The following QRFPR variants were observed in gnomAD, a reference collection of about 807,000 sequenced individuals.
The protein encoded by QRFPR is pyroglutamylated RF-amide peptide receptor.
QRFPR carries 37 observed loss-of-function variants against 31.3 expected under a neutral mutation model. The observed-to-expected ratio is 1.18, with a 90% CI of 0.91 to 1.56. The LOEUF is 1.56. QRFPR is among the 40% of genes most tolerant of loss of function. The pLI, the probability that QRFPR is intolerant of heterozygous loss-of-function variation, is 0.00. For missense variants in QRFPR, 542 were observed against 532.5 expected, an observed-to-expected ratio of 1.02 and a Z score of -0.18; for synonymous variants, 197 against 192.0, an observed-to-expected ratio of 1.03 and a Z score of -0.22.
intron 1 of QRFPR, among the ~76,000 whole-genome samples, chr4:121,358,735 TA>T (rs1725917936): frequency 6.6e-6 from 1 of 152,210 alleles, no homozygotes; most frequent in Non-Finnish European, 1.5e-5. Context: ...CTTTTGTCCT[TA>T]TTTATGACAT....
rs1213344194 is a variant in QRFPR, at chr4:121,329,525, T to G, written c.1085A>C (p.His362Pro). The G allele has an allele frequency of 1.2e-6, 2 of 1,614,018 alleles. No individual in the cohort carries two copies. The highest frequency in any genetic ancestry group is 2.2e-5 in the South Asian group (2 of 91,056). The change falls in exon 6 of 6, where the codon CAT becomes CCT. Residue 362 changes from histidine (H) to proline (P), a missense_variant. By Grantham distance (77) the His-to-Pro change is moderately conservative. Transcript: ENST00000394427. ...CATCATTGTAATTCCTGAATTTCCA[T>G]GCCTTTGTGCTGGAGAGAAGGTTTT... Reference protein sequence around the residue: ...VNKTFSPAQRHGNSGITMMRK... With the variant: ...VNKTFSPAQRPGNSGITMMRK...
intron 1 of QRFPR, among the ~76,000 whole-genome samples, chr4:121,376,925 A>G (rs1037173630): frequency 3.9e-5 from 6 of 151,960 alleles, no homozygotes; most frequent in African/African-American, 9.7e-5. Flanking sequence ...GAACCTTGTT[A>G]AAAAGCAGGT....
chr4:121,337,249 A>G (rs1416437746), intron 2 of QRFPR, among the ~76,000 whole-genome samples: 4 of 152,062 alleles, frequency 2.6e-5, no homozygotes, highest in Non-Finnish European at 5.9e-5. Flanking sequence ...CGTATCCCAG[A>G]ATGCACTGCG....
chr4:121,352,065 C>T (rs1336966207), intron 1 of QRFPR, among the ~76,000 whole-genome samples: 2 of 152,026 alleles, frequency 1.3e-5, no homozygotes, highest in Non-Finnish European at 2.9e-5. Flanking sequence ...AAATTTAATG[C>T]ACTGATGTGA....
chr4:121,345,193 T>C (rs574859023), intron 1 of QRFPR, among the ~76,000 whole-genome samples: 9 of 152,312 alleles, frequency 5.9e-5, no homozygotes, highest in African/African-American at 1.7e-4. Flanking sequence ...TGAGATCCTC[T>C]CTAGTGTTGA....
intron 1 of QRFPR, 34 bp downstream of exon 1, chr4:121,380,274 G>A (rs1426196753): frequency 1.3e-6 from 2 of 1,515,152 alleles, no homozygotes; most frequent in African/African-American, 2.8e-5. Flanking sequence ...AGGGTTAAGA[G>A]AGAAGGAGCG....
intron 3 of QRFPR, among the ~76,000 whole-genome samples, chr4:121,335,513 C>T (rs972684944): frequency 2.7e-5 from 4 of 145,746 alleles, no homozygotes; most frequent in South Asian, 2.2e-4. Context: ...GACATCTGCC[C>T]GCTTCCTCTC....
At chr4:121,343,238 C>G (rs558413677) in intron 1 of QRFPR, among the ~76,000 whole-genome samples, 1 of 152,300 alleles carries the variant, frequency 6.6e-6, no homozygotes, top group South Asian at 2.1e-4. Context: ...TTCCGTTGAA[C>G]TTGAAATCAA....
intron 1 of QRFPR, among the ~76,000 whole-genome samples, chr4:121,365,731 G>A (rs1489694052): frequency 2.0e-4 from 23 of 115,632 alleles, no homozygotes; most frequent in Admixed American, 2.0e-4. Context: ...TTTGGATCAG[G>A]TTCATATTGA....
At chr4:121,332,457 AG>A (rs1413705374) in intron 4 of QRFPR, among the ~76,000 whole-genome samples, 2 of 152,190 alleles carry the variant, frequency 1.3e-5, no homozygotes, top group African/African-American at 4.8e-5. Context: ...TGCGGGAAGC[AG>A]GGCCTTGGGA....
intron 1 of QRFPR, chr4:121,369,476 T>C: frequency 8.7e-7 from 1 of 1,146,606 alleles, no homozygotes. Context: ...GGGTTTGAGA[T>C]TATGTGCCCG....
Position 121,380,623 on chromosome 4 carries a change from C to A in QRFPR, c.25G>T (p.Glu9Ter). Residue 9 changes from glutamate to a stop codon, truncating the protein, a stop_gained, in exon 1 of 6, where the codon GAG (glutamate) becomes TAG (stop). Transcript: ENST00000394427. LOFTEE classifies it high-confidence loss of function. MQALNITPEQFSRLLRDHN... is the reference protein window; with the variant it reads MQALNITP Reference sequence around the variant, plus strand: ...TCCCGCAGCAGCCGAGAGAACTGCTCCGGGGTAATGTTAAGCGCCTGCATT... The same window carrying A: ...TCCCGCAGCAGCCGAGAGAACTGCTACGGGGTAATGTTAAGCGCCTGCATT... The A allele has an allele frequency of 6.3e-7, 1 of 1,587,030 alleles. No individual in the cohort carries two copies. The highest frequency in any genetic ancestry group is 8.6e-7 in the Non-Finnish European group (1 of 1,163,848).
intron 4 of QRFPR, among the ~76,000 whole-genome samples, chr4:121,332,616 A>G (rs1725347736): frequency 6.6e-6 from 1 of 152,186 alleles, no homozygotes; most frequent in Non-Finnish European, 1.5e-5. Flanking sequence ...GTAACTTCCC[A>G]GTTGATTTGC....
chr4:121,336,875 AAGTGTTAAAGTCATGAG>A lies in QRFPR; in HGVS notation c.500-24_500-8del, dbSNP rs747509372. Reference sequence around the variant, plus strand: ...GCCACCAGCCAGACCACACCTGTAAAAGTGTTAAAGTCATGAGAGTATGACTCAGTTGAGTAAAACAC... The same window carrying A: ...GCCACCAGCCAGACCACACCTGTAAAAGTATGACTCAGTTGAGTAAAACAC... On this transcript the variant is annotated splice_polypyrimidine_tract_variant and splice_region_variant and intron_variant, in intron 2 of 5. Transcript: ENST00000394427. 1.4e-4 allele frequency: 227 copies of A among 1,613,562 alleles called. No homozygotes were observed. Among genetic ancestry groups the A allele is most frequent in the Non-Finnish European group, 1.8e-4 (209 of 1,179,570 alleles).
intron 1 of QRFPR, among the ~76,000 whole-genome samples, chr4:121,350,511 G>A (rs139659483): frequency 2.0e-5 from 3 of 152,214 alleles, no homozygotes; most frequent in African/African-American, 7.2e-5. Context: ...TTCAAAACAA[G>A]TCTTCTTTGC....
intron 1 of QRFPR, among the ~76,000 whole-genome samples, chr4:121,345,851 A>G (rs941589498): frequency 4.6e-5 from 7 of 152,202 alleles, no homozygotes; most frequent in African/African-American, 1.7e-4. Context: ...CATTATTTCT[A>G]AACATGATGC....
chr4:121,344,690 C>T (rs374437852), intron 1 of QRFPR, among the ~76,000 whole-genome samples: 9 of 152,252 alleles, frequency 5.9e-5, no homozygotes, highest in Admixed American at 1.3e-4. Flanking sequence ...AAGGTCTAGA[C>T]GACTAAAACA....
chr4:121,360,481 A>AT (rs1301211646), intron 1 of QRFPR, among the ~76,000 whole-genome samples: 3 of 151,294 alleles, frequency 2.0e-5, no homozygotes, highest in South Asian at 4.2e-4. Context: ...GATGGGTTTA[A>AT]TTTTTTTTTA....
intron 1 of QRFPR, among the ~76,000 whole-genome samples, chr4:121,372,849 G>C (rs1332549335): frequency 6.6e-6 from 1 of 152,186 alleles, no homozygotes; most frequent in African/African-American, 2.4e-5. Flanking sequence ...CTTGGTTTGA[G>C]ACAGGGAGTT....
Sources: gnomAD v4.1 joint callset for allele counts (sites outside exome capture counted in the v4.1 genomes callset) on GRCh38, gnomAD v4.1.1 for gene constraint, MANE v1.5 for transcripts, NCBI Gene and HGNC (gene_info 2026-07-23, HGNC 2026-07-21) for gene names.